CREBBP: variants seen among roughly 807,000 people sequenced by gnomAD.
The protein encoded by CREBBP is CREB binding lysine acetyltransferase.
A neutral mutation model predicts 265.0 loss-of-function variants in CREBBP; 19 were observed. The ratio of observed to expected loss-of-function variants is 0.07; its 90% CI spans 0.05 to 0.11. The LOEUF is 0.11. Among genes scored for constraint, CREBBP ranks in the 10% least tolerant of loss-of-function variants. The pLI, the probability that CREBBP is intolerant of heterozygous loss-of-function variation, is 1.00. For synonymous variants in CREBBP, 1,457 were observed against 1,223.7 expected (o/e 1.19, Z -3.98); for missense variants, 2,525 against 3,219.0 (o/e 0.78, Z 5.22).
intron 3 of CREBBP, among the ~76,000 whole-genome samples, chr16:3,801,577 A>G (rs2053713250): frequency 1.3e-5 from 2 of 152,064 alleles, no homozygotes; most frequent in Admixed American, 6.5e-5. Flanking sequence ...GGCTGAGGCA[A>G]AAGAATCGCT....
intron 21 of CREBBP, 164 bp from the exon 22 acceptor site, chr16:3,745,518 C>T (rs534126305): frequency 1.5e-5 from 10 of 683,070 alleles, no homozygotes; most frequent in East Asian, 5.5e-5. Flanking sequence ...ACAATGCATC[C>T]GTATGATATC....
intron 2 of CREBBP, among the ~76,000 whole-genome samples, chr16:3,844,648 A>T (rs1236361295): frequency 6.6e-6 from 1 of 152,340 alleles, no homozygotes; most frequent in East Asian, 1.9e-4. Context: ...AATATTGGCA[A>T]GGAGAAAATA....
intron 5 of CREBBP, among the ~76,000 whole-genome samples, chr16:3,788,689 G>A (rs189369570): frequency 3.6e-4 from 55 of 152,358 alleles, no homozygotes; most frequent in Non-Finnish European, 6.8e-4. Context: ...GGTGGCTCAC[G>A]CCTCTAATCC....
At chr16:3,856,041 T>G (rs948242556) in intron 1 of CREBBP, among the ~76,000 whole-genome samples, 2 of 152,252 alleles carry the variant, frequency 1.3e-5, no homozygotes, top group Admixed American at 1.3e-4. Context: ...TTACAAAATA[T>G]TCTGTAACCC....
intron 11 of CREBBP, among the ~76,000 whole-genome samples, chr16:3,776,269 T>TA (rs1339567702): frequency 6.6e-6 from 1 of 152,140 alleles, no homozygotes; most frequent in Non-Finnish European, 1.5e-5. Context: ...CCTCTTTCCT[T>TA]AGAGTCTTCT....
At chr16:3,842,366 G>A (rs1183679380) in intron 2 of CREBBP, among the ~76,000 whole-genome samples, 1 of 152,176 alleles carries the variant, frequency 6.6e-6, no homozygotes, top group Non-Finnish European at 1.5e-5. Context: ...AGCCAGGAAA[G>A]AGAGTGTCTG....
intron 1 of CREBBP, among the ~76,000 whole-genome samples, chr16:3,864,015 A>G (rs999974377): frequency 2.0e-5 from 3 of 152,202 alleles, no homozygotes; most frequent in African/African-American, 7.2e-5. Context: ...TTACAGGGAG[A>G]GGATTCTCCA....
chr16:3,768,806 G>A (rs1251450858), intron 15 of CREBBP, among the ~76,000 whole-genome samples: 1 of 152,186 alleles, frequency 6.6e-6, no homozygotes, highest in Admixed American at 6.5e-5. Flanking sequence ...CCAGCCCACG[G>A]TCTGCCAGCT....
intron 16 of CREBBP, among the ~76,000 whole-genome samples, chr16:3,766,504 T>A (rs2052855706): frequency 6.6e-6 from 1 of 152,154 alleles, no homozygotes; most frequent in Admixed American, 6.5e-5. Context: ...CTATTTTAAA[T>A]GAACTAAATA....
intron 16 of CREBBP, among the ~76,000 whole-genome samples, chr16:3,759,782 G>A (rs2052670506): frequency 1.3e-5 from 2 of 152,086 alleles, no homozygotes; most frequent in Non-Finnish European, 2.9e-5. Flanking sequence ...ATTTACTAAT[G>A]CCAATTTCTC....
rs2141200375 is a variant in CREBBP, at chr16:3,770,690, T to C, written c.2760A>G (p.Ala920=). The C allele has an allele frequency of 6.2e-7, 1 of 1,614,056 alleles. No homozygotes were observed. Among genetic ancestry groups the C allele is most frequent in the South Asian group, 1.1e-5 (1 of 91,082 alleles). Residue 920 remains alanine, a synonymous_variant, in exon 14 of 31, where the codon GCA becomes GCG. Transcript: ENST00000262367. ...TQTQSTPTVQ[A]AAQAQVTPQP... ...GCGGGGTCACCTGGGCCTGGGCTGC[T>C]GCCTGGACTGTAGGGGTGCTCTGGG... is the stretch of plus-strand genomic sequence containing the variant.
At chr16:3,860,880 G>A (rs1480482174) in intron 1 of CREBBP, among the ~76,000 whole-genome samples, 1 of 152,086 alleles carries the variant, frequency 6.6e-6, no homozygotes, top group Non-Finnish European at 1.5e-5. Context: ...CACAGGAAGT[G>A]CAGTCTGGTG....
chr16:3,764,820 T>C (rs1325530002), intron 16 of CREBBP, among the ~76,000 whole-genome samples: 1 of 152,018 alleles, frequency 6.6e-6, no homozygotes, highest in African/African-American at 2.4e-5. Context: ...TGGCTTCAAG[T>C]GATCCTCCCA....
At chr16:3,849,428 T>TGTGTGTGTGTGTG (rs2054750450) in intron 2 of CREBBP, among the ~76,000 whole-genome samples, 4 of 7,940 alleles carry the variant, frequency 5.0e-4, no homozygotes, top group Non-Finnish European at 3.0e-3. Flanking sequence ...TGTGTGTGTG[T>TGTGTGTGTGTGTG]GTGTGTGTGT....
intron 6 of CREBBP, among the ~76,000 whole-genome samples, chr16:3,782,379 G>A (rs1369885608): frequency 6.6e-6 from 1 of 152,250 alleles, no homozygotes; most frequent in East Asian, 1.9e-4. Context: ...GAGGCGTCCA[G>A]TCAGCATCCT....
intron 3 of CREBBP, among the ~76,000 whole-genome samples, chr16:3,797,300 A>T (rs2053626800): frequency 6.6e-6 from 1 of 152,238 alleles, no homozygotes. Flanking sequence ...CTATATTGCC[A>T]GATACTGAAA....
intron 1 of CREBBP, among the ~76,000 whole-genome samples, chr16:3,856,801 T>A (rs2054973261): frequency 6.6e-6 from 1 of 152,174 alleles, no homozygotes. Flanking sequence ...CCAAATATTT[T>A]ATATTTAAGT....
chr16:3,758,418 C>G (rs1396546089), intron 17 of CREBBP, among the ~76,000 whole-genome samples: 1 of 152,068 alleles, frequency 6.6e-6, no homozygotes, highest in Non-Finnish European at 1.5e-5. Flanking sequence ...TCCTAGCAAG[C>G]AAAATGAAAT....
rs907754672 is a variant in CREBBP, at chr16:3,880,299, G to A, written c.-383C>T. 53 of 143,104 alleles carry A rather than the reference G, an allele frequency of 3.7e-4. No individual in the cohort carries two copies. Among genetic ancestry groups the A allele is most frequent in the Non-Finnish European group, 7.2e-4 (46 of 64,276 alleles). 8.9% of individuals were successfully genotyped at this position (143,104 alleles called of 1,614,324 possible). The stretch of plus-strand genomic sequence containing the variant: ...CGGCTCAGGCAGTCCCCGAGAACAT[G>A]GTGCCGCCGCCGCCGCCGCCTCGCT... On this transcript the variant is annotated 5_prime_UTR_variant, in exon 1 of 31. Transcript: ENST00000262367.
Sources: allele counts gnomAD v4.1 joint callset (sites outside exome capture counted in the v4.1 genomes callset), GRCh38; gene constraint gnomAD v4.1.1; transcripts MANE v1.5; gene names NCBI Gene and HGNC (gene_info 2026-07-23, HGNC 2026-07-21).